Variants in PDE4D observed in about 807,000 individuals in gnomAD.
PDE4D encodes the protein phosphodiesterase 4D, also known as 3',5'-cyclic-AMP phosphodiesterase 4D.
In PDE4D, 24 loss-of-function variants were observed where a neutral mutation model predicts 87.4. The ratio of observed to expected loss-of-function variants is 0.27; its 90% CI spans 0.20 to 0.39. The LOEUF is 0.39. PDE4D is among the 10% of genes least tolerant of loss of function. The pLI, the probability that PDE4D is intolerant of heterozygous loss-of-function variation, is 1.00. For synonymous variants in PDE4D, 384 were observed against 383.2 expected (o/e 1.00, Z -0.02); for missense variants, 714 against 1,041.0 (o/e 0.69, Z 4.32).
chr5:59,407,447 A>G (rs74686744), intron 1 of PDE4D, among the ~76,000 whole-genome samples: 10,309 of 152,286 alleles, frequency 0.068, 949 homozygotes, highest in African/African-American at 0.21. Flanking sequence ...CAACAGCCTA[A>G]TATAGAAGAC....
At chr5:60,045,461 G>A (rs1378821663) in intron 2 of PDE4D, among the ~76,000 whole-genome samples, 4 of 152,314 alleles carry the variant, frequency 2.6e-5, no homozygotes, top group Admixed American at 2.6e-4. Flanking sequence ...GAATGGTAAA[G>A]CCTAGGTTTT....
chr5:58,993,342 A>G (rs1748372089), intron 7 of PDE4D, 30 bp downstream of exon 7: 1 of 1,353,574 alleles, frequency 7.4e-7, no homozygotes, highest in Admixed American at 2.3e-5. Context: ...AACTGAAGAA[A>G]AAAATTTAAT....
chr5:59,109,893 T>G (rs1313197287), intron 5 of PDE4D, among the ~76,000 whole-genome samples: 1 of 152,160 alleles, frequency 6.6e-6, no homozygotes, highest in Admixed American at 6.5e-5. Context: ...CCCATTAGAA[T>G]GAGGGTGGTT....
chr5:60,233,993 A>G (rs1282535768), intron 1 of PDE4D, among the ~76,000 whole-genome samples: 1 of 151,858 alleles, frequency 6.6e-6, no homozygotes, highest in Admixed American at 6.6e-5. Flanking sequence ...TAATTCACAT[A>G]CCATTTGAAG....
intron 1 of PDE4D, among the ~76,000 whole-genome samples, chr5:59,336,144 A>T (rs940835526): frequency 2.6e-5 from 4 of 152,208 alleles, no homozygotes; most frequent in Admixed American, 2.6e-4. Context: ...CTCTGAAAGT[A>T]GTATCTTGCT....
At chr5:59,772,227 G>T (rs1016594630) in intron 1 of PDE4D, among the ~76,000 whole-genome samples, 1 of 152,082 alleles carries the variant, frequency 6.6e-6, no homozygotes, top group Non-Finnish European at 1.5e-5. Flanking sequence ...TAAGGCAGAG[G>T]GTCAGAGGGT....
intron 1 of PDE4D, among the ~76,000 whole-genome samples, chr5:59,304,142 A>AT (rs1275088999): frequency 2.7e-5 from 4 of 150,844 alleles, no homozygotes; most frequent in South Asian, 2.1e-4. Flanking sequence ...ATTTTATTTT[A>AT]TTTTTTTTAC....
intron 2 of PDE4D, among the ~76,000 whole-genome samples, chr5:60,128,242 A>T (rs910920140): frequency 6.6e-6 from 1 of 152,238 alleles, no homozygotes; most frequent in African/African-American, 2.4e-5. Flanking sequence ...AAAGAAACAG[A>T]CATATGTTAT....
intron 1 of PDE4D, among the ~76,000 whole-genome samples, chr5:59,708,878 G>A (rs974487750): frequency 6.6e-6 from 1 of 150,542 alleles, no homozygotes; most frequent in Admixed American, 6.6e-5. Flanking sequence ...AATAGCATTG[G>A]CTGAAAAGTC....
At chr5:60,505,996 A>G (rs982443395) in intron 1 of PDE4D, among the ~76,000 whole-genome samples, 1 of 152,224 alleles carries the variant, frequency 6.6e-6, no homozygotes, top group Non-Finnish European at 1.5e-5. Flanking sequence ...CTTCTTCATC[A>G]AAGCTTTCAA....
intron 5 of PDE4D, among the ~76,000 whole-genome samples, chr5:59,075,665 G>C (rs547322378): frequency 1.3e-5 from 2 of 152,018 alleles, no homozygotes; most frequent in African/African-American, 4.8e-5. Context: ...TTATAATATG[G>C]AATTATTTCA....
chr5:60,505,607 C>G (rs929651526), intron 1 of PDE4D, among the ~76,000 whole-genome samples: 2 of 152,200 alleles, frequency 1.3e-5, no homozygotes, highest in Non-Finnish European at 2.9e-5. Context: ...ATTTACAAGG[C>G]TCAGTGCTGA....
intron 1 of PDE4D, among the ~76,000 whole-genome samples, chr5:59,530,772 C>G (rs1391433551): frequency 6.6e-6 from 1 of 152,132 alleles, no homozygotes; most frequent in Non-Finnish European, 1.5e-5. Context: ...GTAAGCCGGT[C>G]TCTAATAACA....
At chr5:59,318,427 A>G (rs1477651866) in intron 1 of PDE4D, among the ~76,000 whole-genome samples, 1 of 152,168 alleles carries the variant, frequency 6.6e-6, no homozygotes, top group Non-Finnish European at 1.5e-5. Flanking sequence ...AGTAATTAAA[A>G]TCACAAAGTT....
chr5:59,672,675 C>T (rs298061), intron 1 of PDE4D, among the ~76,000 whole-genome samples: 60,892 of 151,870 alleles, frequency 0.4, 12,853 homozygotes, highest in East Asian at 0.69. Context: ...TGATGTAATA[C>T]AAAAAGTCCA....
At chr5:59,076,924 C>T (rs1406293247) in intron 5 of PDE4D, among the ~76,000 whole-genome samples, 1 of 152,044 alleles carries the variant, frequency 6.6e-6, no homozygotes, top group Non-Finnish European at 1.5e-5. Context: ...AGTAATGTGC[C>T]CCAAGCTACC....
At chr5:59,185,389 C>T in intron 3 of PDE4D, 127 bp from the exon 4 acceptor site, 1 of 642,896 alleles carries the variant, frequency 1.6e-6, no homozygotes, top group Non-Finnish European at 2.7e-6. Context: ...AAAGAATCTC[C>T]CAACACTTAG....
chr5:59,721,899 A>T (rs919332726), intron 1 of PDE4D, among the ~76,000 whole-genome samples: 1 of 152,158 alleles, frequency 6.6e-6, no homozygotes, highest in Non-Finnish European at 1.5e-5. Context: ...TGGGAGTCGC[A>T]TATCAGGAGA....
chr5:59,836,951 C>G (rs1237603052), intron 1 of PDE4D, among the ~76,000 whole-genome samples: 4 of 151,932 alleles, frequency 2.6e-5, no homozygotes, highest in Non-Finnish European at 2.9e-5. Flanking sequence ...CTATCTTCCC[C>G]CTACATTCTG....
Sources: gnomAD v4.1 joint callset for allele counts (sites outside exome capture counted in the v4.1 genomes callset) on GRCh38, gnomAD v4.1.1 for gene constraint, MANE v1.5 for transcripts, NCBI Gene and HGNC (gene_info 2026-07-23, HGNC 2026-07-21) for gene names.